HACE1: variants seen among roughly 807,000 people sequenced by gnomAD.
The protein encoded by HACE1 is E3 ubiquitin-protein ligase HACE1.
A neutral mutation model predicts 118.4 loss-of-function variants in HACE1; 73 were observed. The ratio of observed to expected loss-of-function variants is 0.62; its 90% CI spans 0.51 to 0.75. The LOEUF (loss-of-function observed/expected upper bound fraction) is 0.75, where lower values mean the gene tolerates loss of function less well. Ranked by LOEUF, HACE1 falls within the 30% of genes least tolerant of loss-of-function variation. The pLI is 0.00. For synonymous variants in HACE1, 368 were observed against 374.8 expected, an observed-to-expected ratio of 0.98 and a Z score of 0.21; for missense variants, 749 against 1,102.2, an observed-to-expected ratio of 0.68 and a Z score of 4.54.
At chr6:104,788,295 T>A (rs56120816) in intron 11 of HACE1, among the ~76,000 whole-genome samples, 5,134 of 152,198 alleles carry the variant, frequency 0.034, 274 homozygotes, top group African/African-American at 0.12. Context: ...GTGAAAATAC[T>A]GCTTCATTCA....
chr6:104,734,381 T>A (rs867308095), intron 22 of HACE1, among the ~76,000 whole-genome samples: 1 of 152,104 alleles, frequency 6.6e-6, no homozygotes, highest in African/African-American at 2.4e-5. Flanking sequence ...TATCTAAATA[T>A]AAACTAATAC....
chr6:104,849,651 A>AT (rs10640271), intron 3 of HACE1, among the ~76,000 whole-genome samples: 9,459 of 145,756 alleles, frequency 0.065, 390 homozygotes, highest in Non-Finnish European at 0.084. Flanking sequence ...CCTTAAACAC[A>AT]TTTTTTTTTT....
At chr6:104,826,498 A>G (rs566788409) in intron 6 of HACE1, among the ~76,000 whole-genome samples, 1 of 152,350 alleles carries the variant, frequency 6.6e-6, no homozygotes, top group African/African-American at 2.4e-5. Flanking sequence ...ACTTCTGTGA[A>G]AAATGCACTG....
At chr6:104,758,074 GGT>G (rs1491345012) in intron 19 of HACE1, among the ~76,000 whole-genome samples, 2 of 152,166 alleles carry the variant, frequency 1.3e-5, no homozygotes, top group Admixed American at 1.3e-4. Context: ...ACATTTGATT[GGT>G]GTGCCTGAGA....
chr6:104,852,705 T>C (rs995924103), intron 1 of HACE1, among the ~76,000 whole-genome samples: 2 of 152,186 alleles, frequency 1.3e-5, no homozygotes, highest in African/African-American at 4.8e-5. Flanking sequence ...CGCATCATCA[T>C]CCAAAAACCT....
chr6:104,754,906 C>T (rs745874740), intron 19 of HACE1, among the ~76,000 whole-genome samples: 7 of 152,256 alleles, frequency 4.6e-5, no homozygotes, highest in Non-Finnish European at 1.0e-4. Context: ...CAGCTAGCAT[C>T]GTCATGACAG....
intron 7 of HACE1, among the ~76,000 whole-genome samples, 193 bp downstream of exon 7, chr6:104,811,118 T>C (rs1771546952): frequency 6.6e-6 from 1 of 151,410 alleles, no homozygotes; most frequent in Non-Finnish European, 1.5e-5. Context: ...AAAAAAGAGA[T>C]TGTACTTCCT....
chr6:104,796,986 T>C lies in HACE1; in HGVS notation c.657A>G (p.Arg219=). 1 of 1,602,794 alleles carries C rather than the reference T, an allele frequency of 6.2e-7. No individual in the cohort carries two copies. The highest frequency in any genetic ancestry group is 8.5e-7 in the Non-Finnish European group (1 of 1,169,858). Residue 219 remains arginine (R), a synonymous_variant, in exon 8 of 24, where the codon CGA becomes CGG. Coordinates refer to ENST00000262903, the MANE Select transcript of HACE1 (RefSeq NM_020771.4). The part of the protein sequence containing the change: ...QRDTAQILLL[R]GAKYLPDKNG... ...TTTTATCTGGCAGATATTTGGCTCCTCGTAATAGTAGGATCTGTGCTGTAT... is the reference window on the plus strand; with the variant it reads ...TTTTATCTGGCAGATATTTGGCTCCCCGTAATAGTAGGATCTGTGCTGTAT...
At chr6:104,792,902 G>A (rs547590410) in intron 10 of HACE1, among the ~76,000 whole-genome samples, 1 of 152,258 alleles carries the variant, frequency 6.6e-6, no homozygotes, top group South Asian at 2.1e-4. Flanking sequence ...AAGGGCTGCA[G>A]AAGCTCAAGG....
Position 104,843,960 on chromosome 6 carries a change from G to A in HACE1, c.327-662C>T, listed in dbSNP as rs533942765. Among the ~76,000 whole-genome samples the A allele has an allele frequency of 2.0e-5, 3 of 151,412 alleles. No individual in the cohort carries two copies. The South Asian group carries it at 6.3e-4, about 32-fold the overall frequency. On this transcript the variant is annotated intron_variant, in intron 4 of 23. Transcript: ENST00000262903. The stretch of plus-strand genomic sequence containing the variant: ...CAACATCTGCCTCCCGGGTTCAAGT[G>A]ATTCTCCTGCCTCAGCCTTCCGAGT...
chr6:104,847,460 T>A (rs1284253811), intron 4 of HACE1, among the ~76,000 whole-genome samples: 1 of 152,224 alleles, frequency 6.6e-6, no homozygotes, highest in African/African-American at 2.4e-5. Flanking sequence ...TAAAAACAAC[T>A]GTTTAATCAG....
At chr6:104,781,072 G>A (rs965611012) in intron 14 of HACE1, among the ~76,000 whole-genome samples, 2 of 152,138 alleles carry the variant, frequency 1.3e-5, no homozygotes, top group Admixed American at 6.5e-5. Context: ...TGTCTGCTTT[G>A]ATCACTGCTA....
At chr6:104,858,546 GA>G in intron 1 of HACE1, 1 of 358,088 alleles carries the variant, frequency 2.8e-6, no homozygotes, top group Non-Finnish European at 5.5e-6. Flanking sequence ...TAAAAGAAAG[GA>G]AAGAAAATTA....
chr6:104,804,653 A>G (rs1003744179), intron 7 of HACE1, among the ~76,000 whole-genome samples: 2 of 152,232 alleles, frequency 1.3e-5, no homozygotes, highest in Admixed American at 6.5e-5. Context: ...CTGGCTAGCC[A>G]TATGTAGAAA....
Position 104,859,910 on chromosome 6 carries a change from G to C in HACE1, c.-268C>G, listed in dbSNP as rs1179255818. 1 of 448,706 alleles carries C rather than the reference G, an allele frequency of 2.2e-6. No individual in the cohort carries two copies. The highest frequency in any genetic ancestry group is 4.0e-6 in the Non-Finnish European group (1 of 252,014). The allele number at this position is 448,706 out of a possible 1,614,324, so 27.8% of individuals were successfully genotyped here. Reference sequence around the variant, plus strand: ...GCCGCCGCGTCCCTCCCGGGCTCGCGTGGCCTTCTGGGAACTGTAGTTTCC... The same window carrying C: ...GCCGCCGCGTCCCTCCCGGGCTCGCCTGGCCTTCTGGGAACTGTAGTTTCC... On this transcript the variant is annotated 5_prime_UTR_variant, in exon 1 of 24. Transcript: ENST00000262903.
rs562486977 is a variant in HACE1 at position 104,841,472 on chromosome 6, C to G, written c.402+1751G>C. On this transcript the variant is annotated intron_variant, in intron 5 of 23. Transcript: ENST00000262903. ...TTGCACGTACCGTGTCACTAAGCATCCTACGGATATTCAGAATACAGTCTT... is the reference window on the plus strand; with the variant it reads ...TTGCACGTACCGTGTCACTAAGCATGCTACGGATATTCAGAATACAGTCTT... 5.3e-5 allele frequency among the ~76,000 whole-genome samples: 8 copies of G among 152,202 alleles called. No individual in the cohort carries two copies. In the South Asian group the frequency reaches 1.2e-3, roughly 24 times the overall value.
At chr6:104,736,979 A>C (rs2114420683) in intron 22 of HACE1, among the ~76,000 whole-genome samples, 1 of 152,244 alleles carries the variant, frequency 6.6e-6, no homozygotes, top group South Asian at 2.1e-4. Flanking sequence ...TTAAAATAAA[A>C]AACACAGTTT....
At position 104,738,015 on chromosome 6, in the gene HACE1, C is replaced by A. The variant is rs1351723494; in HGVS notation, c.2513+6145G>T. Among the ~76,000 whole-genome samples, 3 of 152,172 alleles carry A rather than the reference C, an allele frequency of 2.0e-5. No homozygotes were observed. In the South Asian group the frequency reaches 6.2e-4, roughly 32 times the overall value. ...CAGACTGCCTCAAGTGGGTCCCTGA[C>A]CCCCGAGCAGCCTAACTGGGAGGCA... is the stretch of plus-strand genomic sequence containing the variant. On this transcript the variant is annotated intron_variant, in intron 22 of 23. Coordinates refer to ENST00000262903, the MANE Select transcript of HACE1 (RefSeq NM_020771.4).
At chr6:104,737,464 G>T (rs917106080) in intron 22 of HACE1, among the ~76,000 whole-genome samples, 2 of 152,090 alleles carry the variant, frequency 1.3e-5, no homozygotes, top group Non-Finnish European at 2.9e-5. Context: ...CAGGTCAGTG[G>T]GTGTGCGCAC....
Sources: gnomAD v4.1 joint callset for allele counts (sites outside exome capture counted in the v4.1 genomes callset) on GRCh38, gnomAD v4.1.1 for gene constraint, MANE v1.5 for transcripts, NCBI Gene and HGNC (gene_info 2026-07-23, HGNC 2026-07-21) for gene names.